Variants in LRP1B observed in about 807,000 individuals in gnomAD.
LRP1B encodes the protein low-density lipoprotein receptor-related protein 1B.
Under a neutral mutation model 556.6 loss-of-function variants are expected in LRP1B, and 217 were observed. The ratio of observed to expected loss-of-function variants is 0.39; its 90% CI spans 0.35 to 0.44. The LOEUF (loss-of-function observed/expected upper bound fraction) is 0.44. LRP1B is among the 20% of genes least tolerant of loss of function. The pLI, the probability that LRP1B is intolerant of heterozygous loss-of-function variation, is 1.00. For synonymous variants in LRP1B, 2,047 were observed against 1,865.8 expected (o/e 1.10, Z -2.50); for missense variants, 5,053 against 5,620.8 (o/e 0.90, Z 3.23).
At chr2:140,513,496 CT>C (rs5834753) in intron 51 of LRP1B, among the ~76,000 whole-genome samples, 1,604 of 151,854 alleles carry the variant, frequency 0.011, 23 homozygotes, top group African/African-American at 0.034. Flanking sequence ...TGATTACTGA[CT>C]TTTTTTCTTT....
intron 7 of LRP1B, among the ~76,000 whole-genome samples, chr2:141,153,128 A>G (rs1468449227): frequency 1.4e-5 from 2 of 147,114 alleles, no homozygotes; most frequent in Non-Finnish European, 3.0e-5. Flanking sequence ...AAATTTGTAG[A>G]TTTCTTCCAT....
At chr2:140,312,118 G>A (rs769834370) in intron 83 of LRP1B, among the ~76,000 whole-genome samples, 4 of 151,872 alleles carry the variant, frequency 2.6e-5, no homozygotes, top group African/African-American at 4.8e-5. Flanking sequence ...GGCAGAGAGA[G>A]CTACAATGAC....
intron 20 of LRP1B, among the ~76,000 whole-genome samples, chr2:140,932,276 TTATAA>T (rs1238582999): frequency 7.9e-5 from 12 of 152,140 alleles, no homozygotes; most frequent in Admixed American, 5.2e-4. Flanking sequence ...TTACAGATCT[TTATAA>T]TATGTCTGTC....
intron 20 of LRP1B, among the ~76,000 whole-genome samples, chr2:140,924,525 T>C (rs1694831277): frequency 1.3e-5 from 2 of 152,004 alleles, no homozygotes; most frequent in African/African-American, 4.8e-5. Flanking sequence ...TGTGCAGTAA[T>C]GCTGAACTAA....
chr2:140,824,897 T>G (rs1240045283), intron 31 of LRP1B, among the ~76,000 whole-genome samples: 1 of 152,146 alleles, frequency 6.6e-6, no homozygotes, highest in African/African-American at 2.4e-5. Flanking sequence ...GGAAACAGTA[T>G]TCACTCAACA....
rs531174945 is a variant in LRP1B at position 141,402,167 on chromosome 2, A to T, written c.343+78229T>A. 5.3e-5 allele frequency among the ~76,000 whole-genome samples: 8 copies of T among 152,274 alleles called. No individual in the cohort carries two copies. The South Asian group carries it at 1.7e-3, about 32-fold the overall frequency. ...ATTTTCATTTTTTTTCTAGCTTTAA[A>T]TCAAATAAGGTTGGCCTCATGTATT... On this transcript the variant is annotated intron_variant, in intron 3 of 90. Transcript: ENST00000389484.
chr2:141,841,345 A>G (rs969268059), intron 1 of LRP1B, among the ~76,000 whole-genome samples: 1 of 152,238 alleles, frequency 6.6e-6, no homozygotes, highest in South Asian at 2.1e-4. Flanking sequence ...TAAATGACAC[A>G]TAAGTAATTT....
At chr2:140,694,914 T>C (rs998060546) in intron 41 of LRP1B, among the ~76,000 whole-genome samples, 4 of 152,056 alleles carry the variant, frequency 2.6e-5, no homozygotes, top group African/African-American at 9.7e-5. Flanking sequence ...TATTCAATTG[T>C]TTTAATTTTA....
intron 2 of LRP1B, among the ~76,000 whole-genome samples, chr2:141,746,295 CG>C (rs1221263924): frequency 3.3e-5 from 5 of 152,068 alleles, no homozygotes; most frequent in Admixed American, 6.6e-5. Flanking sequence ...CCCACAGTGA[CG>C]GGGCTTGCTG....
At chr2:141,044,074 A>G (rs1698790513) in intron 11 of LRP1B, among the ~76,000 whole-genome samples, 2 of 151,836 alleles carry the variant, frequency 1.3e-5, no homozygotes, top group Admixed American at 1.3e-4. Flanking sequence ...AAACAGAGAT[A>G]TAGATCAATG....
intron 2 of LRP1B, among the ~76,000 whole-genome samples, chr2:141,660,918 C>G (rs1029064034): frequency 6.6e-6 from 1 of 152,058 alleles, no homozygotes; most frequent in East Asian, 1.9e-4. Flanking sequence ...GTGTTCCCAT[C>G]GGCATCAGGT....
At chr2:141,155,129 T>C (rs1318259989) in intron 7 of LRP1B, among the ~76,000 whole-genome samples, 3 of 151,948 alleles carry the variant, frequency 2.0e-5, no homozygotes, top group Non-Finnish European at 4.4e-5. Context: ...TCTGACCACT[T>C]GTTAGAGTGG....
chr2:141,576,996 C>T (rs188078221), intron 2 of LRP1B, among the ~76,000 whole-genome samples: 27 of 151,860 alleles, frequency 1.8e-4, no homozygotes, highest in Non-Finnish European at 2.4e-4. Flanking sequence ...AATCTAATTG[C>T]TCACTTATTA....
chr2:141,855,280 T>C (rs1304675003), intron 1 of LRP1B, among the ~76,000 whole-genome samples: 1 of 152,048 alleles, frequency 6.6e-6, no homozygotes, highest in Non-Finnish European at 1.5e-5. Context: ...AAAAAAAAAC[T>C]GCCTAAAGAA....
intron 3 of LRP1B, among the ~76,000 whole-genome samples, chr2:141,401,372 T>C (rs995659521): frequency 4.6e-5 from 7 of 152,172 alleles, no homozygotes; most frequent in African/African-American, 1.7e-4. Context: ...CTAAATAGAA[T>C]ATTAGGGTAT....
At chr2:141,558,107 C>G (rs1269167113) in intron 2 of LRP1B, among the ~76,000 whole-genome samples, 1 of 151,858 alleles carries the variant, frequency 6.6e-6, no homozygotes, top group Non-Finnish European at 1.5e-5. Context: ...TCCTCACTTT[C>G]CTGAGTCAAT....
intron 43 of LRP1B, among the ~76,000 whole-genome samples, chr2:140,574,682 C>A (rs1391103867): frequency 1.3e-5 from 2 of 152,288 alleles, no homozygotes; most frequent in East Asian, 3.9e-4. Flanking sequence ...TGTTCAAGGA[C>A]ATGTTCTGAA....
intron 6 of LRP1B, among the ~76,000 whole-genome samples, chr2:141,198,330 A>G (rs1023006755): frequency 6.6e-6 from 1 of 152,128 alleles, no homozygotes; most frequent in Non-Finnish European, 1.5e-5. Flanking sequence ...CACATCCTAA[A>G]TCAGAGAAGG....
intron 41 of LRP1B, among the ~76,000 whole-genome samples, chr2:140,610,660 A>ACTTG (rs1243352655): frequency 6.6e-6 from 1 of 152,168 alleles, no homozygotes; most frequent in Admixed American, 6.5e-5. Flanking sequence ...ATCTTGGCTC[A>ACTTG]CTGCAAGCTC....
Sources: gnomAD v4.1 joint callset for allele counts (sites outside exome capture counted in the v4.1 genomes callset) on GRCh38, gnomAD v4.1.1 for gene constraint, MANE v1.5 for transcripts, NCBI Gene and HGNC (gene_info 2026-07-23, HGNC 2026-07-21) for gene names.